Variants in DRC9 observed in about 807,000 individuals in gnomAD.
The protein encoded by DRC9 is dynein regulatory complex subunit 9.
chr3:197,951,466 T>G, the DRC9 span: 2 of 779,552 alleles, frequency 2.6e-6, no homozygotes, highest in Non-Finnish European at 4.3e-6. Context: ...AAGTGTCCTG[T>G]CTCAGCCTCC....
chr3:197,932,855 C>CATTATATATGTATAATATAT, the DRC9 span, among the ~76,000 whole-genome samples: 3,170 of 135,554 alleles, frequency 0.023, 63 homozygotes, highest in East Asian at 0.043. Context: ...ATATAATATA[C>CATTATATATGTATAATATAT]ATTATATATG....
chr3:197,955,865 T>G, the DRC9 span: 1 of 1,080,002 alleles, frequency 9.3e-7, no homozygotes, highest in Non-Finnish European at 1.4e-6. Context: ...ATTTGCTACA[T>G]GCTTAAAATG....
chr3:197,958,821 G>A, the DRC9 span: 1 of 152,248 alleles, frequency 6.6e-6, no homozygotes, highest in South Asian at 2.1e-4. Flanking sequence ...TAAGTCAAAA[G>A]TACTCAAGTC....
At chr3:197,952,958 A>G in the DRC9 span, among the ~76,000 whole-genome samples, 4 of 149,802 alleles carry the variant, frequency 2.7e-5, no homozygotes, top group African/African-American at 4.9e-5. Flanking sequence ...GCACCACCAC[A>G]CCCGGCTAAC....
At chr3:197,890,397 G>T in the DRC9 span, among the ~76,000 whole-genome samples, 2 of 147,392 alleles carry the variant, frequency 1.4e-5, no homozygotes, top group African/African-American at 5.1e-5. Flanking sequence ...AAAGTGAGAT[G>T]CTGTCTCAAA....
At chr3:197,930,201 C>T in the DRC9 span, among the ~76,000 whole-genome samples, 2 of 151,090 alleles carry the variant, frequency 1.3e-5, no homozygotes, top group African/African-American at 2.4e-5. Context: ...CAAAAAAATA[C>T]ATAAAATTAG....
chr3:197,945,438 A>T, the DRC9 span, among the ~76,000 whole-genome samples: 1 of 152,158 alleles, frequency 6.6e-6, no homozygotes. Flanking sequence ...AGCACCATCC[A>T]GCTAACCTGC....
chr3:197,920,790 T>C, the DRC9 span, among the ~76,000 whole-genome samples: 2 of 152,368 alleles, frequency 1.3e-5, no homozygotes, highest in African/African-American at 4.8e-5. Flanking sequence ...TGCTGATCCA[T>C]TGTTATCTTG....
At chr3:197,947,253 T>C in the DRC9 span, among the ~76,000 whole-genome samples, 1 of 152,346 alleles carries the variant, frequency 6.6e-6, no homozygotes, top group African/African-American at 2.4e-5. Context: ...ATTTTTTTTT[T>C]CTGATATCCT....
chr3:197,956,088 C>T, the DRC9 span: 1 of 346,764 alleles, frequency 2.9e-6, no homozygotes, highest in Non-Finnish European at 5.5e-6. Flanking sequence ...TTTGAAGTAG[C>T]TGGGACCACA....
At chr3:197,908,385 C>A in the DRC9 span, among the ~76,000 whole-genome samples, 2 of 140,048 alleles carry the variant, frequency 1.4e-5, no homozygotes, top group African/African-American at 5.6e-5. Context: ...TGAAGAGTGA[C>A]CCCTTTCCCA....
At chr3:197,929,711 C>A in the DRC9 span, among the ~76,000 whole-genome samples, 1 of 151,804 alleles carries the variant, frequency 6.6e-6, no homozygotes, top group Non-Finnish European at 1.5e-5. The surrounding 1 kb of genome is among the most constrained non-coding windows in gnomAD (Gnocchi z 4.6). Context: ...TTCGAGGCTG[C>A]AGTGGGCTAT....
At chr3:197,909,322 T>C in the DRC9 span, among the ~76,000 whole-genome samples, 11 of 152,138 alleles carry the variant, frequency 7.2e-5, no homozygotes, top group Admixed American at 2.0e-4. Context: ...AAAACAGACA[T>C]ATAAATAATA....
the DRC9 span, among the ~76,000 whole-genome samples, chr3:197,923,083 T>C: frequency 6.6e-6 from 1 of 152,154 alleles, no homozygotes; most frequent in South Asian, 2.1e-4. Flanking sequence ...GTTAGGCAAT[T>C]TGCTTGGAAG....
At chr3:197,913,409 C>G in the DRC9 span, 2 of 268,784 alleles carry the variant, frequency 7.4e-6, no homozygotes, top group Admixed American at 9.9e-5. Flanking sequence ...CCACTTCTTT[C>G]TTCCTCCTGG....
the DRC9 span, chr3:197,953,675 C>G: frequency 2.3e-6 from 1 of 440,514 alleles, no homozygotes; most frequent in Admixed American, 2.9e-5. Flanking sequence ...TTCCTCCTTT[C>G]TGTACACACA....
the DRC9 span, among the ~76,000 whole-genome samples, chr3:197,946,434 CAAAAAAAAA>C: frequency 1.8e-4 from 13 of 72,640 alleles, no homozygotes; most frequent in East Asian, 5.9e-3. Flanking sequence ...GACTCCGTCT[CAAAAAAAAA>C]AAAAAAAAAA....
the DRC9 span, chr3:197,916,410 T>C: frequency 6.6e-6 from 1 of 151,926 alleles, no homozygotes; most frequent in Non-Finnish European, 1.5e-5. Context: ...GCCTACAGAG[T>C]AGTTGGGACT....
At chr3:197,896,097 C>T in the DRC9 span, among the ~76,000 whole-genome samples, 1 of 149,178 alleles carries the variant, frequency 6.7e-6, no homozygotes, top group East Asian at 2.0e-4. Context: ...AATGCCAGCA[C>T]TTTGGGAGGC....
Sources: gnomAD v4.1 joint callset for allele counts (sites outside exome capture counted in the v4.1 genomes callset) on GRCh38, gnomAD v4.1.1 for gene constraint, Gnocchi (gnomAD v3.1) non-coding constraint, MANE v1.5 for transcripts, NCBI Gene and HGNC (gene_info 2026-07-23, HGNC 2026-07-21) for gene names.